The following FAM185A variants were observed in gnomAD, a reference collection of about 807,000 sequenced individuals.
The protein encoded by FAM185A is protein FAM185A.
In FAM185A, 21 loss-of-function variants were observed where a neutral mutation model predicts 45.7. That is an observed-to-expected ratio of 0.46 (90% CI 0.33 to 0.66). The LOEUF is 0.66. FAM185A is among the 30% of genes least tolerant of loss of function. FAM185A has a pLI of 0.03. For synonymous variants in FAM185A, 117 were observed against 194.0 expected (o/e 0.60, Z 3.30); for missense variants, 305 against 485.4 (o/e 0.63, Z 3.49).
intron 7 of FAM185A, among the ~76,000 whole-genome samples, chr7:102,787,891 A>G (rs1156589029): frequency 6.6e-6 from 1 of 152,136 alleles, no homozygotes; most frequent in Non-Finnish European, 1.5e-5. Context: ...ACAAATGTGA[A>G]TCGTTTTTGT....
intron 7 of FAM185A, among the ~76,000 whole-genome samples, chr7:102,789,895 AAC>A (rs1562870752): frequency 3.3e-5 from 5 of 152,316 alleles, no homozygotes; most frequent in South Asian, 4.1e-4. Flanking sequence ...CGAAGACACA[AAC>A]ACACACATTA....
At chr7:102,786,707 T>C (rs1269397928) in intron 6 of FAM185A, among the ~76,000 whole-genome samples, 3 of 152,086 alleles carry the variant, frequency 2.0e-5, no homozygotes, top group African/African-American at 7.2e-5. Context: ...AGGGATAGCA[T>C]TAGGAGATAT....
downstream of FAM185A, among the ~76,000 whole-genome samples, chr7:102,812,982 A>G (rs567314712): frequency 1.3e-5 from 2 of 151,590 alleles, no homozygotes; most frequent in African/African-American, 4.8e-5. Flanking sequence ...AGCTGGGATT[A>G]CAGGCGCCCA....
At chr7:102,759,458 T>C (rs1393143006) in intron 3 of FAM185A, among the ~76,000 whole-genome samples, 1 of 152,086 alleles carries the variant, frequency 6.6e-6, no homozygotes, top group African/African-American at 2.4e-5. Context: ...ACATATAGTA[T>C]TGATTTTTAA....
At chr7:102,849,400 G>A in the FAM185A span, among the ~76,000 whole-genome samples, 1 of 152,062 alleles carries the variant, frequency 6.6e-6, no homozygotes, top group Non-Finnish European at 1.5e-5. Flanking sequence ...ACTAAAATGA[G>A]GTAATTTTTT....
At chr7:102,805,070 A>G (rs1425431180) in intron 7 of FAM185A, among the ~76,000 whole-genome samples, 1 of 152,234 alleles carries the variant, frequency 6.6e-6, no homozygotes, top group Non-Finnish European at 1.5e-5. Flanking sequence ...TTAGACTTCT[A>G]CACTGCTGGT....
At position 102,784,491 on chromosome 7, in the gene FAM185A, A is replaced by G. The variant is rs537627204; in HGVS notation, c.932-2844A>G. On this transcript the variant is annotated intron_variant, in intron 6 of 7. Transcript: ENST00000413034. ...ATCAAGAAGTTTATCTACCATGATC[A>G]AGTGGGCTTCATCCCTGGGATGCAA... Among the ~76,000 whole-genome samples, 4 of 152,354 alleles carry G rather than the reference A, an allele frequency of 2.6e-5. No individual in the cohort carries two copies. The South Asian group carries it at 8.3e-4, about 32-fold the overall frequency.
chr7:102,809,469 G>A (rs1797311109), downstream of FAM185A, among the ~76,000 whole-genome samples: 1 of 152,086 alleles, frequency 6.6e-6, no homozygotes, highest in Admixed American at 6.5e-5. Flanking sequence ...CAAGGTGGAT[G>A]GATCACTTGA....
rs57307357 is a variant in FAM185A at position 102,807,750 on chromosome 7, TA to T, written c.1067-523del. On this transcript the variant is annotated intron_variant, in intron 7 of 7. Transcript: ENST00000413034. ...AACATGGTGAAACCCCGTCTCCACT[TA>T]AAAAAAAAAAAAAAAATACAGAGTA... Among the ~76,000 whole-genome samples, 1,182 of 135,530 alleles carry T rather than the reference TA, an allele frequency of 8.7e-3. 3 individuals are homozygous for T. The highest frequency in any genetic ancestry group is 0.016 in the African/African-American group (600 of 36,700). 88.9% of individuals were successfully genotyped at this position (135,530 alleles called of 152,430 possible). A position where few individuals can be genotyped will look rare whatever the true frequency, so the allele number is the denominator to read the frequency against.
the FAM185A span, among the ~76,000 whole-genome samples, chr7:102,840,636 G>A: frequency 2.0e-5 from 3 of 152,150 alleles, no homozygotes; most frequent in Non-Finnish European, 4.4e-5. Flanking sequence ...GAAATAAAGA[G>A]TTCACGAACT....
the FAM185A span, chr7:102,832,805 A>G: frequency 6.2e-7 from 1 of 1,612,780 alleles, no homozygotes; most frequent in South Asian, 1.1e-5. Flanking sequence ...CAGTGCTTAA[A>G]TTGGATGTGT....
intron 2 of FAM185A, among the ~76,000 whole-genome samples, chr7:102,754,564 C>CA (rs1178584825): frequency 6.6e-6 from 1 of 152,268 alleles, no homozygotes; most frequent in East Asian, 1.9e-4. Context: ...GCTAAACCTT[C>CA]ATTTAATCCT....
At chr7:102,847,655 T>C in the FAM185A span, among the ~76,000 whole-genome samples, 1 of 151,770 alleles carries the variant, frequency 6.6e-6, no homozygotes, top group Admixed American at 6.6e-5. Flanking sequence ...GCCTCCGGAG[T>C]AGCTGGGACT....
rs1289195495 is a variant in FAM185A at position 102,803,538 on chromosome 7, A to G, written c.1067-4752A>G. ...GCATACAAGGGACATACCTCAATGT[A>G]ATAAAAGCCATCTATGACAAACCCA... On this transcript the variant is annotated intron_variant, in intron 7 of 7. Coordinates refer to ENST00000413034, the MANE Select transcript of FAM185A (RefSeq NM_001145268.2). Among the ~76,000 whole-genome samples, 5 of 152,188 alleles carry G rather than the reference A, an allele frequency of 3.3e-5. No individual in the cohort carries two copies. In the East Asian group the frequency reaches 9.6e-4, roughly 29 times the overall value.
the FAM185A span, among the ~76,000 whole-genome samples, chr7:102,839,604 C>T: frequency 0.029 from 4,413 of 152,158 alleles, 187 homozygotes; most frequent in East Asian, 0.16. Flanking sequence ...TCTGCCACCA[C>T]GCCCAGCTAA....
At chr7:102,828,562 T>A in the FAM185A span, among the ~76,000 whole-genome samples, 1 of 152,220 alleles carries the variant, frequency 6.6e-6, no homozygotes. Context: ...AGAATTGGGA[T>A]GAAGTTACCT....
the FAM185A span, among the ~76,000 whole-genome samples, chr7:102,839,034 GGT>G: frequency 6.6e-6 from 1 of 152,192 alleles, no homozygotes. Flanking sequence ...GGCATGTCTT[GGT>G]ATAAAACCTG....
the FAM185A span, among the ~76,000 whole-genome samples, chr7:102,834,086 A>AAAAGAAAGAAAG: frequency 9.4e-3 from 881 of 93,644 alleles, 18 homozygotes; most frequent in Middle Eastern, 0.019. Flanking sequence ...GGAAGGAAAG[A>AAAAGAAAGAAAG]AAAGAAAGAA....
chr7:102,845,114 C>A, the FAM185A span, among the ~76,000 whole-genome samples: 2 of 152,100 alleles, frequency 1.3e-5, no homozygotes, highest in African/African-American at 4.8e-5. Flanking sequence ...CATATAGACA[C>A]CATCAATTAT....
Sources: allele counts gnomAD v4.1 joint callset (sites outside exome capture counted in the v4.1 genomes callset), GRCh38; gene constraint gnomAD v4.1.1; transcripts MANE v1.5; gene names NCBI Gene and HGNC (gene_info 2026-07-23, HGNC 2026-07-21).